Variants in RBFOX1 observed in about 807,000 individuals in gnomAD.
RBFOX1 encodes the protein RNA binding fox-1 homolog 1.
A neutral mutation model predicts 57.7 loss-of-function variants in RBFOX1; 8 were observed. The ratio of observed to expected loss-of-function variants is 0.14; its 90% CI spans 0.08 to 0.25. RBFOX1 has a LOEUF of 0.25. Among genes scored for constraint, RBFOX1 ranks in the 10% least tolerant of loss-of-function variants. RBFOX1 has a pLI of 1.00. For synonymous variants in RBFOX1, 326 were observed against 222.4 expected (o/e 1.47, Z -4.15); for missense variants, 611 against 548.5 (o/e 1.11, Z -1.14).
chr16:5,717,908 T>C (rs1343821301), intron 3 of RBFOX1, among the ~76,000 whole-genome samples: 1 of 152,226 alleles, frequency 6.6e-6, no homozygotes, highest in Admixed American at 6.5e-5. Context: ...GCATCTTTAT[T>C]TGAGGTACAG....
At chr16:7,641,206 C>T (rs1033612062) in intron 11 of RBFOX1, among the ~76,000 whole-genome samples, 1 of 152,166 alleles carries the variant, frequency 6.6e-6, no homozygotes. Flanking sequence ...ATGTGTCCAA[C>T]CATAGAGGTG....
At chr16:6,324,069 A>T (rs957612582) in intron 2 of RBFOX1, among the ~76,000 whole-genome samples, 18 of 152,110 alleles carry the variant, frequency 1.2e-4, no homozygotes, top group African/African-American at 4.3e-4. Flanking sequence ...CACCATACTC[A>T]GCCAACTCTG....
At chr16:5,570,173 C>T (rs2046230047) in intron 2 of RBFOX1, among the ~76,000 whole-genome samples, 1 of 152,092 alleles carries the variant, frequency 6.6e-6, no homozygotes, top group Non-Finnish European at 1.5e-5. Flanking sequence ...CTTATGTGCT[C>T]ACTCTCTCTT....
intron 3 of RBFOX1, among the ~76,000 whole-genome samples, chr16:6,694,666 C>T (rs1455228425): frequency 6.6e-6 from 1 of 152,176 alleles, no homozygotes; most frequent in African/African-American, 2.4e-5. Flanking sequence ...TGTTTTTCCA[C>T]ATGGTAGCAA....
chr16:7,218,618 TG>T (rs1373397327), intron 4 of RBFOX1, among the ~76,000 whole-genome samples: 10 of 136,034 alleles, frequency 7.4e-5, no homozygotes, highest in Non-Finnish European at 1.5e-4. Context: ...TTAGGGTTTG[TG>T]GGGGTTTGCT....
intron 2 of RBFOX1, among the ~76,000 whole-genome samples, chr16:5,570,190 C>T (rs541217107): frequency 2.0e-5 from 3 of 151,758 alleles, no homozygotes; most frequent in African/African-American, 7.2e-5. Flanking sequence ...TCTTTTTTTT[C>T]CTCTTCTAAC....
At chr16:7,022,484 G>A (rs748427453) in intron 3 of RBFOX1, among the ~76,000 whole-genome samples, 5 of 152,022 alleles carry the variant, frequency 3.3e-5, no homozygotes, top group East Asian at 1.9e-4. Flanking sequence ...TAGAAATGTC[G>A]TATTTCTTTT....
At chr16:7,556,572 A>G (rs941243099) in intron 5 of RBFOX1, among the ~76,000 whole-genome samples, 2 of 152,146 alleles carry the variant, frequency 1.3e-5, no homozygotes, top group Admixed American at 6.5e-5. Context: ...TTTCATTTTC[A>G]ACATTCTCTT....
intron 1 of RBFOX1, among the ~76,000 whole-genome samples, chr16:6,165,625 G>T (rs1232694580): frequency 1.3e-5 from 2 of 152,228 alleles, no homozygotes; most frequent in Non-Finnish European, 2.9e-5. Flanking sequence ...AGCTGGAGTA[G>T]CAAACAGTTC....
chr16:6,763,710 C>T (rs17745014), intron 3 of RBFOX1, among the ~76,000 whole-genome samples: 6,076 of 152,252 alleles, frequency 0.04, 188 homozygotes, highest in Middle Eastern at 0.071. Flanking sequence ...AATGTTTGCC[C>T]CTTTTAGCCT....
chr16:6,606,131 T>A (rs1048375308), intron 2 of RBFOX1, among the ~76,000 whole-genome samples: 1 of 152,078 alleles, frequency 6.6e-6, no homozygotes, highest in East Asian at 1.9e-4. Context: ...AAAAGAAATA[T>A]ACATCTTATA....
intron 1 of RBFOX1, among the ~76,000 whole-genome samples, chr16:5,370,946 G>T (rs896428093): frequency 6.6e-6 from 1 of 152,116 alleles, no homozygotes; most frequent in Non-Finnish European, 1.5e-5. Context: ...TCCCTAACCC[G>T]CAGGACCTCA....
chr16:5,472,221 C>T (rs1329317742), intron 2 of RBFOX1, among the ~76,000 whole-genome samples: 4 of 152,110 alleles, frequency 2.6e-5, no homozygotes, highest in Admixed American at 2.6e-4. Flanking sequence ...TGTTTCGGTT[C>T]CTCCTCACTC....
intron 4 of RBFOX1, among the ~76,000 whole-genome samples, chr16:7,477,404 G>C (rs190433471): frequency 3.3e-5 from 5 of 152,140 alleles, no homozygotes; most frequent in Non-Finnish European, 5.9e-5. Flanking sequence ...GTTTACCCGT[G>C]GGGGGTCGGG....
chr16:5,756,653 C>T (rs534118482), intron 3 of RBFOX1, among the ~76,000 whole-genome samples: 4 of 152,172 alleles, frequency 2.6e-5, no homozygotes, highest in Admixed American at 1.3e-4. Context: ...TTCCAGCCAT[C>T]GAATGACTAA....
chr16:6,547,905 A>G (rs1275357844), intron 2 of RBFOX1, among the ~76,000 whole-genome samples: 1 of 152,184 alleles, frequency 6.6e-6, no homozygotes, highest in Non-Finnish European at 1.5e-5. Context: ...GATGCTGACT[A>G]AACCCCAGAC....
intron 4 of RBFOX1, among the ~76,000 whole-genome samples, chr16:7,208,232 C>G (rs567146383): frequency 6.6e-6 from 1 of 152,168 alleles, no homozygotes; most frequent in Non-Finnish European, 1.5e-5. Context: ...GATTGTCCCT[C>G]CACCAATTCA....
At chr16:6,556,706 T>C (rs1407540299) in intron 2 of RBFOX1, among the ~76,000 whole-genome samples, 1 of 152,160 alleles carries the variant, frequency 6.6e-6, no homozygotes, top group Non-Finnish European at 1.5e-5. Flanking sequence ...ATTAAATGTA[T>C]TGTGATGATC....
intron 3 of RBFOX1, among the ~76,000 whole-genome samples, chr16:5,742,705 T>A (rs532809873): frequency 6.6e-6 from 1 of 152,340 alleles, no homozygotes; most frequent in East Asian, 1.9e-4. Context: ...GTATCATATA[T>A]GACTTAAAGA....
Sources: allele counts gnomAD v4.1 joint callset (sites outside exome capture counted in the v4.1 genomes callset), GRCh38; gene constraint gnomAD v4.1.1; transcripts MANE v1.5; gene names NCBI Gene and HGNC (gene_info 2026-07-23, HGNC 2026-07-21).